NCOA6: variants seen among roughly 807,000 people sequenced by gnomAD.
The protein encoded by NCOA6 is NRC RAP250.
A neutral mutation model predicts 171.4 loss-of-function variants in NCOA6; 49 were observed. That is an observed-to-expected ratio of 0.29 (90% CI 0.23 to 0.36). NCOA6 has a LOEUF of 0.36. Among genes scored for constraint, NCOA6 ranks in the 10% least tolerant of loss-of-function variants. NCOA6 has a pLI of 1.00. For missense variants in NCOA6, 2,248 were observed against 2,554.5 expected (o/e 0.88, Z 2.59); for synonymous variants, 910 against 927.5 (o/e 0.98, Z 0.34).
rs202178436 is a variant in NCOA6, at chr20:34,742,574, G to A, written c.3682C>T (p.Arg1228Cys). 1.4e-5 allele frequency: 22 copies of A among 1,614,056 alleles called. No homozygotes were observed. Among genetic ancestry groups the A allele is most frequent in the Admixed American group, 1.7e-5 (1 of 60,000 alleles). ...RPYYPQTPNN[R>C]PPSTEPSEIS... ...TCTGAAGGTTCTGTGCTGGGAGGGC[G>A]GTTGTTGGGTGTCTGAGGATAATAG... The change falls in exon 11 of 15, where the codon CGC becomes TGC. Residue 1228 changes from arginine to cysteine, a missense_variant. Coordinates refer to ENST00000359003, the MANE Select transcript of NCOA6 (RefSeq NM_014071.5).
intron 3 of NCOA6, among the ~76,000 whole-genome samples, chr20:34,778,278 C>T (rs752165032): frequency 3.9e-5 from 6 of 152,040 alleles, no homozygotes; most frequent in Admixed American, 1.3e-4. Context: ...TTACGCTAAG[C>T]GAAATAAGCC....
intron 14 of NCOA6, among the ~76,000 whole-genome samples, chr20:34,727,028 G>A (rs1990033162): frequency 6.6e-6 from 1 of 152,118 alleles, no homozygotes; most frequent in South Asian, 2.1e-4. Context: ...GAATAAATCT[G>A]CCCTGTTATG....
chr20:34,805,621 T>C (rs2078423426), intron 1 of NCOA6, among the ~76,000 whole-genome samples: 1 of 152,134 alleles, frequency 6.6e-6, no homozygotes, highest in South Asian at 2.1e-4. Flanking sequence ...CATACTGATT[T>C]CCTTTCCTTT....
intron 5 of NCOA6, among the ~76,000 whole-genome samples, chr20:34,760,477 T>G: frequency 6.6e-6 from 1 of 152,200 alleles, no homozygotes; most frequent in Non-Finnish European, 1.5e-5. Context: ...TGTGACATTT[T>G]GATTTTTGGC....
intron 5 of NCOA6, among the ~76,000 whole-genome samples, chr20:34,760,203 A>C (rs1439577891): frequency 6.6e-6 from 1 of 152,118 alleles, no homozygotes; most frequent in African/African-American, 2.4e-5. Context: ...CTTGAGCCCA[A>C]GAGTTTGAGG....
chr20:34,822,312 C>T (rs756963416), intron 1 of NCOA6, among the ~76,000 whole-genome samples: 1 of 152,190 alleles, frequency 6.6e-6, no homozygotes, highest in Non-Finnish European at 1.5e-5. Context: ...AGGTTCCTAA[C>T]ATGGTCTTCC....
At chr20:34,734,677 G>A (rs914977296) in intron 12 of NCOA6, among the ~76,000 whole-genome samples, 1 of 151,728 alleles carries the variant, frequency 6.6e-6, no homozygotes, top group African/African-American at 2.4e-5. Context: ...TTGAGACAGA[G>A]TTTTGCTCTT....
intron 14 of NCOA6, among the ~76,000 whole-genome samples, chr20:34,721,628 C>G (rs1989353459): frequency 6.6e-6 from 1 of 152,164 alleles, no homozygotes; most frequent in Admixed American, 6.5e-5. Flanking sequence ...TCTAATGTCA[C>G]CTCTGATTTG....
chr20:34,793,128 T>C (rs2077949643), intron 1 of NCOA6, among the ~76,000 whole-genome samples: 1 of 152,070 alleles, frequency 6.6e-6, no homozygotes, highest in South Asian at 2.1e-4. Flanking sequence ...TCAAAGATTG[T>C]AGAAGCAAAA....
Position 34,715,379 on chromosome 20 carries a change from A to G in NCOA6, c.6149-14T>C, listed in dbSNP as rs766218216. The G allele has an allele frequency of 1.3e-6, 2 of 1,597,742 alleles. No homozygotes were observed. Among genetic ancestry groups the G allele is most frequent in the Middle Eastern group, 1.7e-4 (1 of 6,034 alleles). On this transcript the variant is annotated splice_polypyrimidine_tract_variant and intron_variant, in intron 14 of 14. Transcript: ENST00000359003. ...CACTGGTTATGTCTGTGGGGGAAAG[A>G]AAGGACATGTTCAGTGGAAGTAACT... is the stretch of plus-strand genomic sequence containing the variant.
chr20:34,727,894 T>G (rs1460989394), intron 13 of NCOA6, among the ~76,000 whole-genome samples: 2 of 151,970 alleles, frequency 1.3e-5, no homozygotes. Flanking sequence ...CTGCTAATTT[T>G]TGTCTTTTTA....
rs933712921 is a variant in NCOA6, at chr20:34,758,697, C to T, written c.643+108G>A. On this transcript the variant is annotated intron_variant, in intron 6 of 14. Transcript: ENST00000359003. ...GGTCAGATTTTGTAAAGAAGGTTGA[C>T]ATTGTGAGTTTGGAAATTAGAAATT... The T allele has an allele frequency of 1.2e-5, 16 of 1,390,444 alleles. No individual in the cohort carries two copies. The South Asian group carries it at 1.8e-4, about 15-fold the overall frequency. 86.1% of individuals were successfully genotyped at this position (1,390,444 alleles called of 1,614,324 possible).
intron 13 of NCOA6, among the ~76,000 whole-genome samples, chr20:34,730,406 T>C (rs746475513): frequency 3.3e-5 from 5 of 152,226 alleles, no homozygotes; most frequent in Non-Finnish European, 7.4e-5. Context: ...CTAATGAAAG[T>C]GCCTCTTTCT....
intron 5 of NCOA6, among the ~76,000 whole-genome samples, chr20:34,760,886 T>C (rs1237586551): frequency 1.3e-5 from 2 of 152,126 alleles, no homozygotes; most frequent in Non-Finnish European, 2.9e-5. Flanking sequence ...TTTTCCTTGG[T>C]GGTCTTAGCA....
intron 1 of NCOA6, among the ~76,000 whole-genome samples, chr20:34,811,738 T>G (rs1047841926): frequency 2.0e-5 from 3 of 152,210 alleles, no homozygotes; most frequent in African/African-American, 7.2e-5. Context: ...CATTATTTCA[T>G]GAATGCCTCC....
chr20:34,743,308 A>G lies in NCOA6; in HGVS notation c.2948T>C (p.Leu983Pro). ...CATGAGTTGAGGAGGCATCTGCTGA[A>G]GTGGCCTCTGTTCAACTGGTTGAGA... ...YPSQPVEQRP[L>P]QQMPPQLMQH... The change falls in exon 11 of 15, where the codon CTT (leucine) becomes CCT (proline). Residue 983 changes from leucine (L) to proline (P), a missense_variant. Leu to Pro is a moderately conservative substitution (Grantham distance 98). Transcript: ENST00000359003. The G allele has an allele frequency of 6.2e-7, 1 of 1,612,072 alleles. No individual in the cohort carries two copies. The highest frequency in any genetic ancestry group is 8.5e-7 in the Non-Finnish European group (1 of 1,178,512).
intron 1 of NCOA6, among the ~76,000 whole-genome samples, chr20:34,793,527 G>A (rs80335124): frequency 0.029 from 4,397 of 152,136 alleles, 227 homozygotes; most frequent in African/African-American, 0.1. Flanking sequence ...GGTGACTAAA[G>A]CAGGAGGATC....
Position 34,742,264 on chromosome 20 carries a change from C to T in NCOA6, c.3992G>A (p.Arg1331Lys). 1 of 1,614,238 alleles carries T rather than the reference C, an allele frequency of 6.2e-7. No individual in the cohort carries two copies. Among genetic ancestry groups the T allele is most frequent in the East Asian group, 2.2e-5 (1 of 44,890 alleles). ...TTTCCTACTGGACCCAGGACTAGAC[C>T]TGCGACTGTTGCTTGGACTTGCCCG... is the stretch of plus-strand genomic sequence containing the variant. ...TKRASPSNSR[R>K]SSPGSSRKTT... The change falls in exon 11 of 15, where the codon AGG (arginine) becomes AAG (lysine). Residue 1331 changes from arginine to lysine, a missense_variant. By Grantham distance (26) the Arg-to-Lys change is conservative. This residue lies in a region of NCOA6 where 884 missense variants were observed against 941.9 expected (regional missense o/e 0.94). Transcript: ENST00000359003.
In NCOA6 at chr20:34,715,287, C is replaced by A. The variant is rs1325393993; in HGVS notation, c.*35G>T. 1 of 1,613,592 alleles carries A rather than the reference C, an allele frequency of 6.2e-7. No individual in the cohort carries two copies. The highest frequency in any genetic ancestry group is 8.5e-7 in the Non-Finnish European group (1 of 1,179,626). ...AAAATTGCTCTTTGTAAAAGTCACA[C>A]ACATTTCCAAGTATCAAGTCGCAGT... On this transcript the variant is annotated 3_prime_UTR_variant, in exon 15 of 15. Transcript: ENST00000359003.
Sources: allele counts gnomAD v4.1 joint callset (sites outside exome capture counted in the v4.1 genomes callset), GRCh38; gene constraint gnomAD v4.1.1; regional missense constraint gnomAD v4.1.1; transcripts MANE v1.5; gene names NCBI Gene and HGNC (gene_info 2026-07-23, HGNC 2026-07-21).